Variants in HK1 observed in about 807,000 individuals in gnomAD.
The protein encoded by HK1 is hexokinase 1, also known as hexokinase-1.
In HK1, 28 loss-of-function variants were observed where a neutral mutation model predicts 91.6. The ratio of observed to expected loss-of-function variants is 0.31; its 90% CI spans 0.23 to 0.42. The LOEUF is 0.42. Ranked by LOEUF, HK1 falls within the 10% of genes least tolerant of loss-of-function variation. HK1 has a pLI of 1.00. For synonymous variants in HK1, 430 were observed against 468.1 expected (o/e 0.92, Z 1.05); for missense variants, 770 against 1,219.8 (o/e 0.63, Z 5.49).
At chr10:69,333,791 T>G (rs1338200733) in intron 1 of HK1, among the ~76,000 whole-genome samples, 1 of 152,134 alleles carries the variant, frequency 6.6e-6, no homozygotes, top group Non-Finnish European at 1.5e-5. Context: ...CACATTCACG[T>G]TGCTAGAACG....
chr10:69,379,716 G>A (rs372100913), intron 8 of HK1, 146 bp from the exon 9 acceptor site: 1 of 734,736 alleles, frequency 1.4e-6, no homozygotes, highest in Non-Finnish European at 2.5e-6. Flanking sequence ...CTCTTCTCAG[G>A]CATTTGACAG....
chr10:69,338,898 C>T (rs1332919314), intron 1 of HK1, among the ~76,000 whole-genome samples: 2 of 152,048 alleles, frequency 1.3e-5, no homozygotes, highest in Non-Finnish European at 2.9e-5. Context: ...GGCCAAATCC[C>T]CAAAGACCAA....
rs564297587 is a variant in HK1 at position 69,382,396 on chromosome 10, G to A, written c.1266-91G>A. 2.6e-4 allele frequency: 340 copies of A among 1,330,584 alleles called. 1 individual carries two copies. The African/African-American group carries it at 4.6e-3, about 18-fold the overall frequency. The allele number at this position is 1,330,584 out of a possible 1,614,324, so 82.4% of individuals were successfully genotyped here. A position where few individuals can be genotyped will look rare whatever the true frequency, so the allele number is the denominator to read the frequency against. ...TCTCAAAAAAAAGGAAAAGAAAAAA[G>A]AGTTAAAGAGTGGAGAAAGAAAGGG... On this transcript the variant is annotated intron_variant, in intron 9 of 17. Coordinates refer to ENST00000359426, the MANE Select transcript of HK1 (RefSeq NM_000188.3).
chr10:69,317,094 A>G (rs1846686801), upstream of HK1, among the ~76,000 whole-genome samples: 1 of 152,218 alleles, frequency 6.6e-6, no homozygotes, highest in African/African-American at 2.4e-5. Context: ...TTCAAATATA[A>G]ATATACAAAT....
intron 7 of HK1, among the ~76,000 whole-genome samples, chr10:69,370,611 C>G (rs1431504596): frequency 6.6e-6 from 1 of 152,106 alleles, no homozygotes. Flanking sequence ...AAAACAGCAC[C>G]TTCCCTCCCA....
chr10:69,376,488 T>A (rs1839114664), intron 7 of HK1, among the ~76,000 whole-genome samples: 1 of 152,154 alleles, frequency 6.6e-6, no homozygotes, highest in Non-Finnish European at 1.5e-5. Context: ...TGGGCGACAG[T>A]GAGACCCTGT....
intron 15 of HK1, among the ~76,000 whole-genome samples, chr10:69,394,722 G>A (rs1374009330): frequency 6.6e-6 from 1 of 152,188 alleles, no homozygotes; most frequent in African/African-American, 2.4e-5. Flanking sequence ...AGTCTAGCAG[G>A]TAGACATGAA....
chr10:69,292,254 G>T (rs1428780329), intron 3 of HK1: 3 of 326,364 alleles, frequency 9.2e-6, no homozygotes, highest in South Asian at 2.3e-5. Flanking sequence ...ATTTTTTTTT[G>T]TAGAGACAGG....
chr10:69,295,521 T>C, intron 3 of HK1: 2 of 765,532 alleles, frequency 2.6e-6, no homozygotes, highest in East Asian at 5.1e-5. Context: ...AGGTTACTTG[T>C]AATTACTTTT....
chr10:69,379,575 G>A (rs370983275), intron 8 of HK1, among the ~76,000 whole-genome samples: 5 of 152,262 alleles, frequency 3.3e-5, no homozygotes, highest in African/African-American at 1.2e-4. Flanking sequence ...CAGCCATTTC[G>A]CCACCTGTTC....
At position 69,343,770 on chromosome 10, in the gene HK1, C is replaced by CA. The variant is rs1457388907; in HGVS notation, c.64-56dup. On this transcript the variant is annotated intron_variant, in intron 1 of 17. Coordinates refer to ENST00000359426, the MANE Select transcript of HK1 (RefSeq NM_000188.3). ...TGGCTATCTCAGCGGGTGGGTGCCTCACCTTGCCCTGTCCTCCCCCTCGAC... is the reference window on the plus strand; with the variant it reads ...TGGCTATCTCAGCGGGTGGGTGCCTCAACCTTGCCCTGTCCTCCCCCTCGAC... 1.6e-5 allele frequency: 23 copies of CA among 1,428,254 alleles called. No individual in the cohort carries two copies. In the African/African-American group the frequency reaches 3.0e-4, roughly 18 times the overall value. 88.5% of individuals were successfully genotyped at this position (1,428,254 alleles called of 1,614,324 possible).
chr10:69,330,948 C>T lies in HK1; in HGVS notation c.63+11938C>T, dbSNP rs181166216. 2.1e-3 allele frequency among the ~76,000 whole-genome samples: 323 copies of T among 151,158 alleles called. 2 individuals are homozygous for T. Among genetic ancestry groups the T allele is most frequent in the African/African-American group, 7.5e-3 (309 of 41,190 alleles). On this transcript the variant is annotated intron_variant, in intron 1 of 17. Coordinates refer to ENST00000359426, the MANE Select transcript of HK1 (RefSeq NM_000188.3). Reference sequence around the variant, plus strand: ...AGGCTGGAGTGCAGTGGTGCAGTCTCGGCTCACTGCAGCCTCCACCTTCCT... The same window carrying T: ...AGGCTGGAGTGCAGTGGTGCAGTCTTGGCTCACTGCAGCCTCCACCTTCCT...
intron 4 of HK1, among the ~76,000 whole-genome samples, 173 bp from the exon 5 acceptor site, chr10:69,368,363 T>A (rs1444549459): frequency 6.6e-6 from 1 of 152,216 alleles, no homozygotes; most frequent in Non-Finnish European, 1.5e-5. Context: ...ATTGTGTGGA[T>A]GATCGGGAGA....
chr10:69,277,445 G>T (rs1396416032), intron 1 of HK1, among the ~76,000 whole-genome samples: 1 of 152,084 alleles, frequency 6.6e-6, no homozygotes, highest in African/African-American at 2.4e-5. Context: ...GTGCCCACCT[G>T]TTGTCCCAGC....
rs765539353 is a variant in HK1, at chr10:69,380,056, C to T, written c.1226C>T (p.Thr409Met). The stretch of plus-strand genomic sequence containing the variant: ...AAGGGCACACCCAGGCTGCGGACCA[C>T]GGTTGGTGTCGACGGATCTCTTTAC... ...DNKGTPRLRT[T>M]VGVDGSLYKT... The change falls in exon 9 of 18, where the codon ACG (threonine) becomes ATG (methionine). Residue 409 changes from threonine (T) to methionine (M), a missense_variant. Thr to Met is a moderately conservative substitution (Grantham distance 81, BLOSUM62 -1). Transcript: ENST00000359426. This position sits in a 1 kb window ranked among gnomAD's most constrained non-coding sequence, Gnocchi z 4.0. 5.0e-6 allele frequency: 8 copies of T among 1,613,986 alleles called. No individual in the cohort carries two copies. The highest frequency in any genetic ancestry group is 5.9e-6 in the Non-Finnish European group (7 of 1,179,950).
At position 69,372,964 on chromosome 10, in the gene HK1, G is replaced by T. The variant is rs142183225; in HGVS notation, c.875+3340G>T. Among the ~76,000 whole-genome samples, 943 of 152,214 alleles carry T rather than the reference G, an allele frequency of 6.2e-3. 12 individuals are homozygous for T. Among genetic ancestry groups the T allele is most frequent in the Admixed American group, 0.017 (257 of 15,286 alleles). ...GCTTACTGCAACCTTTGCCTCCCAG[G>T]TTCTACGTGATTCTCCTGCCTCAGC... is the stretch of plus-strand genomic sequence containing the variant. On this transcript the variant is annotated intron_variant, in intron 7 of 17. Transcript: ENST00000359426.
intron 8 of HK1, among the ~76,000 whole-genome samples, chr10:69,377,800 C>T (rs1371775507): frequency 2.0e-5 from 3 of 152,212 alleles, no homozygotes; most frequent in Non-Finnish European, 4.4e-5. Flanking sequence ...CTGCCACACA[C>T]ACATTCTTTC....
intron 7 of HK1, among the ~76,000 whole-genome samples, chr10:69,374,643 C>T (rs1429341920): frequency 2.0e-5 from 3 of 152,246 alleles, no homozygotes; most frequent in Non-Finnish European, 4.4e-5. Flanking sequence ...TTTGCTTGTT[C>T]TGCTGCTCTA....
At chr10:69,285,719 G>T (rs569025666) in intron 2 of HK1, among the ~76,000 whole-genome samples, 2 of 152,170 alleles carry the variant, frequency 1.3e-5, no homozygotes, top group Non-Finnish European at 2.9e-5. Flanking sequence ...GAGAGGGCCA[G>T]TTACTTCGGG....
Sources: gnomAD v4.1 joint callset for allele counts (sites outside exome capture counted in the v4.1 genomes callset) on GRCh38, gnomAD v4.1.1 for gene constraint, Gnocchi (gnomAD v3.1) non-coding constraint, MANE v1.5 for transcripts, NCBI Gene and HGNC (gene_info 2026-07-23, HGNC 2026-07-21) for gene names.